DHCR24: variants seen among roughly 807,000 people sequenced by gnomAD.
DHCR24 encodes delta(24)-sterol reductase.
Under a neutral mutation model 61.2 loss-of-function variants are expected in DHCR24, and 28 were observed. That is an observed-to-expected ratio of 0.46 (90% CI 0.34 to 0.63). DHCR24 has a LOEUF of 0.63. Among genes scored for constraint, DHCR24 ranks in the 20% least tolerant of loss-of-function variants. The pLI, the probability that DHCR24 is intolerant of heterozygous loss-of-function variation, is 0.01. For missense variants in DHCR24, 538 were observed against 679.1 expected (o/e 0.79, Z 2.31); for synonymous variants, 261 against 275.9 (o/e 0.95, Z 0.54).
intron 2 of DHCR24, among the ~76,000 whole-genome samples, chr1:54,877,090 A>G (rs1039238377): frequency 2.0e-5 from 3 of 151,876 alleles, no homozygotes; most frequent in African/African-American, 7.3e-5. Flanking sequence ...ATATGCATCT[A>G]TCTCAGTGAG....
chr1:54,868,459 G>A (rs1646979589), intron 5 of DHCR24, among the ~76,000 whole-genome samples: 1 of 151,896 alleles, frequency 6.6e-6, no homozygotes, highest in African/African-American at 2.4e-5. Flanking sequence ...GACAGAGCGA[G>A]ACTCTGTCTC....
chr1:54,886,583 C>T (rs1647097833), intron 1 of DHCR24: 7 of 1,411,618 alleles, frequency 5.0e-6, no homozygotes, highest in South Asian at 4.9e-5. Context: ...GGAAGCCTTT[C>T]CTTCTCTGAA....
chr1:54,886,671 C>G, intron 1 of DHCR24: 1 of 1,510,230 alleles, frequency 6.6e-7, no homozygotes, highest in Non-Finnish European at 8.8e-7. Context: ...TCCAGGTACC[C>G]GCATATGCCC....
In DHCR24 at chr1:54,875,151, T is replaced by A. The variant is rs1242267676; in HGVS notation, c.554A>T (p.His185Leu). Residue 185 changes from histidine to leucine, a missense_variant, in exon 4 of 9, where the codon CAC becomes CTC. His to Leu is a moderately conservative substitution (Grantham distance 99). Coordinates refer to ENST00000371269, the MANE Select transcript of DHCR24 (RefSeq NM_014762.4). ...GACCAGCTCGTAAGCAGTGCAGATGTGTTGGAACAGGCCGTACTTGTGGGA... is the reference window on the plus strand; with the variant it reads ...GACCAGCTCGTAAGCAGTGCAGATGAGTTGGAACAGGCCGTACTTGTGGGA... Reference protein sequence around the residue: ...SSSHKYGLFQHICTAYELVLA... With the variant: ...SSSHKYGLFQLICTAYELVLA... 1 of 1,614,134 alleles carries A rather than the reference T, an allele frequency of 6.2e-7. No individual in the cohort carries two copies. The highest frequency in any genetic ancestry group is 1.3e-5 in the African/African-American group (1 of 75,022).
intron 2 of DHCR24, among the ~76,000 whole-genome samples, chr1:54,877,840 C>T (rs1647041819): frequency 6.6e-6 from 1 of 151,598 alleles, no homozygotes; most frequent in African/African-American, 2.4e-5. Flanking sequence ...CAAAAACCTC[C>T]CTCTGCTAAA....
chr1:54,870,278 C>T (rs1053444530), intron 5 of DHCR24, among the ~76,000 whole-genome samples: 1 of 151,948 alleles, frequency 6.6e-6, no homozygotes, highest in Non-Finnish European at 1.5e-5. Context: ...AGAATGCACA[C>T]AAAACTGTTA....
intron 5 of DHCR24, among the ~76,000 whole-genome samples, chr1:54,867,825 C>T (rs1230952094): frequency 6.6e-6 from 1 of 152,186 alleles, no homozygotes; most frequent in Non-Finnish European, 1.5e-5. Context: ...GGCCAGAGCA[C>T]TTCAGCTCAA....
At chr1:54,882,555 A>G (rs1647069077) in intron 2 of DHCR24, among the ~76,000 whole-genome samples, 1 of 152,240 alleles carries the variant, frequency 6.6e-6, no homozygotes, top group South Asian at 2.1e-4. Flanking sequence ...GTTCCATTTT[A>G]TTTGTAATTG....
Position 54,871,372 on chromosome 1 carries a change from G to A in DHCR24, c.854C>T (p.Thr285Ile). The change falls in exon 5 of 9, where the codon ACA becomes ATA. Residue 285 changes from threonine to isoleucine, a missense_variant. By Grantham distance (89) the Thr-to-Ile change is moderately conservative (BLOSUM62 -1). Coordinates refer to ENST00000371269, the MANE Select transcript of DHCR24 (RefSeq NM_014762.4). Reference protein sequence around the residue: ...DEAVIMTGVMTDEAEPSKLNS... With the variant: ...DEAVIMTGVMIDEAEPSKLNS... Reference sequence around the variant, plus strand: ...TACCTTGCTGGGCTCTGCCTCATCTGTCATGACCCCTGTCATAATGACAGC... The same window carrying A: ...TACCTTGCTGGGCTCTGCCTCATCTATCATGACCCCTGTCATAATGACAGC... The A allele has an allele frequency of 1.2e-6, 2 of 1,614,070 alleles. No homozygotes were observed. The highest frequency in any genetic ancestry group is 1.7e-6 in the Non-Finnish European group (2 of 1,180,024).
At chr1:54,871,673 A>G in intron 4 of DHCR24, 60 bp from the exon 5 acceptor site, 1 of 1,611,476 alleles carries the variant, frequency 6.2e-7, no homozygotes, top group Non-Finnish European at 8.5e-7. Flanking sequence ...TGTGGCATGC[A>G]GTCAGTGGGG....
At chr1:54,863,074 C>CAA (rs5774200) in intron 6 of DHCR24, among the ~76,000 whole-genome samples, 2 of 61,412 alleles carry the variant, frequency 3.3e-5, no homozygotes, top group East Asian at 8.7e-4. Flanking sequence ...GACTCTGCCT[C>CAA]AAAAAAAAAA....
At chr1:54,871,001 T>A (rs1646995480) in intron 5 of DHCR24, among the ~76,000 whole-genome samples, 2 of 152,232 alleles carry the variant, frequency 1.3e-5, no homozygotes, top group South Asian at 2.1e-4. Flanking sequence ...TTACATTACC[T>A]CTTTTAAGTG....
At position 54,850,289 on chromosome 1, in the gene DHCR24, T is replaced by C. The variant is rs757379370; in HGVS notation, c.*1944A>G. 6 of 152,256 alleles carry C rather than the reference T, an allele frequency of 3.9e-5. No individual in the cohort carries two copies. The highest frequency in any genetic ancestry group is 8.8e-5 in the Non-Finnish European group (6 of 68,052). 9.4% of individuals were successfully genotyped at this position (152,256 alleles called of 1,614,324 possible). A position where few individuals can be genotyped will look rare whatever the true frequency, so the allele number is the denominator to read the frequency against. ...AATGGCACTGTTTAACTAGCTCGTG[T>C]TAACCATTCATCTACAGCAAGTAGA... On this transcript the variant is annotated 3_prime_UTR_variant, in exon 9 of 9. Transcript: ENST00000371269.
intron 5 of DHCR24, among the ~76,000 whole-genome samples, chr1:54,868,362 T>C (rs922750196): frequency 6.6e-6 from 1 of 151,680 alleles, no homozygotes; most frequent in Admixed American, 6.6e-5. Context: ...CCCAGCTACT[T>C]GGGAGGCTGA....
chr1:54,880,978 G>A (rs776123221), intron 2 of DHCR24, among the ~76,000 whole-genome samples: 10 of 151,916 alleles, frequency 6.6e-5, no homozygotes, highest in Non-Finnish European at 8.8e-5. Context: ...GTGAAACCCC[G>A]TCTCTACTAA....
intron 5 of DHCR24, among the ~76,000 whole-genome samples, chr1:54,869,767 C>T (rs1259446960): frequency 6.6e-6 from 1 of 152,008 alleles, no homozygotes; most frequent in African/African-American, 2.4e-5. Flanking sequence ...AAAAAATTAA[C>T]CAGGCCGGGC....
At chr1:54,880,724 C>A (rs635648) in intron 2 of DHCR24, among the ~76,000 whole-genome samples, 2,730 of 152,142 alleles carry the variant, frequency 0.018, 98 homozygotes, top group African/African-American at 0.063. Context: ...GAGATAGCAC[C>A]ACTGCACTCC....
rs148120025 is a variant in DHCR24, at chr1:54,852,947, T to A, written c.1397+487A>T. Among the ~76,000 whole-genome samples, 164 of 152,322 alleles carry A rather than the reference T, an allele frequency of 1.1e-3. 1 individual carries two copies. The highest frequency in any genetic ancestry group is 3.5e-3 in the African/African-American group (147 of 41,576). The stretch of plus-strand genomic sequence containing the variant: ...TGGGAATTTTATATGAAAGGAATCA[T>A]ATGGCATTGTTTTTTCCTGGCTTTG... On this transcript the variant is annotated intron_variant, in intron 8 of 8. Transcript: ENST00000371269.
chr1:54,875,307 T>C, intron 3 of DHCR24, 96 bp from the exon 4 acceptor site: 1 of 1,044,576 alleles, frequency 9.6e-7, no homozygotes. Flanking sequence ...TGAGGGAGGT[T>C]TGGCAGGCTA....
Sources: gnomAD v4.1 joint callset for allele counts (sites outside exome capture counted in the v4.1 genomes callset) on GRCh38, gnomAD v4.1.1 for gene constraint, MANE v1.5 for transcripts, NCBI Gene and HGNC (gene_info 2026-07-23, HGNC 2026-07-21) for gene names.